Variants in VEPH1 observed in about 807,000 individuals in gnomAD.
VEPH1 encodes the protein ventricular zone expressed PH domain containing 1.
Under a neutral mutation model 85.2 loss-of-function variants are expected in VEPH1, and 80 were observed. That is an observed-to-expected ratio of 0.94 (90% CI 0.78 to 1.13). VEPH1 has a LOEUF of 1.13. Ranked by LOEUF, VEPH1 falls within the 50% of genes most tolerant of loss-of-function variation. VEPH1 has a pLI of 0.00. For synonymous variants in VEPH1, 297 were observed against 348.0 expected, an observed-to-expected ratio of 0.85 and a Z score of 1.63; for missense variants, 955 against 980.5, an observed-to-expected ratio of 0.97 and a Z score of 0.35.
chr3:157,495,209 T>C lies in VEPH1; in HGVS notation c.138+3A>G, dbSNP rs781502127. ...GATGTAGTCTATAAACCAGTTTACT[T>C]ACTGAAGATGAGCTAATTATCTTAA... On this transcript the variant is annotated splice_donor_region_variant and intron_variant, in intron 2 of 13. Coordinates refer to ENST00000362010, the MANE Select transcript of VEPH1 (RefSeq NM_001167912.2). 3 of 1,613,588 alleles carry C rather than the reference T, an allele frequency of 1.9e-6. No homozygotes were observed. In the African/African-American group the frequency reaches 4.0e-5, roughly 22 times the overall value.
intron 4 of VEPH1, chr3:157,442,555 G>C (rs377051880): frequency 6.2e-7 from 1 of 1,614,090 alleles, no homozygotes; most frequent in African/African-American, 1.3e-5. Flanking sequence ...CTGTATCTCA[G>C]CTACCAATCC....
chr3:157,473,067 CT>C (rs200991031), intron 2 of VEPH1, among the ~76,000 whole-genome samples: 194 of 82,660 alleles, frequency 2.3e-3, no homozygotes, highest in East Asian at 8.6e-3. Context: ...TTAAATGAAC[CT>C]TTTTTTTTTT....
chr3:157,497,979 C>T (rs1739805740), intron 1 of VEPH1, among the ~76,000 whole-genome samples: 1 of 152,158 alleles, frequency 6.6e-6, no homozygotes, highest in African/African-American at 2.4e-5. Flanking sequence ...AAAACACCTT[C>T]TACAATATGG....
At chr3:157,406,270 T>G (rs1731132623) in intron 6 of VEPH1, among the ~76,000 whole-genome samples, 1 of 152,144 alleles carries the variant, frequency 6.6e-6, no homozygotes, top group Non-Finnish European at 1.5e-5. Context: ...AATTGTGCTT[T>G]TAAGTCACAG....
At chr3:157,323,821 T>C (rs1372070176) in intron 9 of VEPH1, among the ~76,000 whole-genome samples, 1 of 152,186 alleles carries the variant, frequency 6.6e-6, no homozygotes, top group Non-Finnish European at 1.5e-5. Context: ...AATTTTGTAT[T>C]GTTATGTGAA....
chr3:157,272,986 G>A (rs562317913), intron 12 of VEPH1, among the ~76,000 whole-genome samples: 82 of 152,168 alleles, frequency 5.4e-4, no homozygotes, highest in Non-Finnish European at 1.0e-3. Context: ...AGACATGGTG[G>A]TGATTCCCTT....
At chr3:157,304,023 T>TATATATATATATATATATATA (rs1553761055) in intron 11 of VEPH1, among the ~76,000 whole-genome samples, 6 of 89,118 alleles carry the variant, frequency 6.7e-5, no homozygotes, top group Admixed American at 1.3e-4. Flanking sequence ...CTTATATTTT[T>TATATATATATATATATATATA]TATATATATA....
At chr3:157,323,475 T>C (rs1721571793) in intron 9 of VEPH1, among the ~76,000 whole-genome samples, 1 of 152,202 alleles carries the variant, frequency 6.6e-6, no homozygotes, top group Non-Finnish European at 1.5e-5. Context: ...ACTTGCCTAG[T>C]GTTTACTAAG....
At chr3:157,413,598 G>A in intron 6 of VEPH1, 1 of 985,274 alleles carries the variant, frequency 1.0e-6, no homozygotes, top group African/African-American at 1.7e-5. Context: ...AGCAATAAAA[G>A]ACTCACTTCC....
chr3:157,455,102 A>C (rs1261309826), intron 4 of VEPH1, among the ~76,000 whole-genome samples: 1 of 152,192 alleles, frequency 6.6e-6, no homozygotes, highest in African/African-American at 2.4e-5. Flanking sequence ...CTTTGGGTAT[A>C]TATACCCAGC....
intron 7 of VEPH1, among the ~76,000 whole-genome samples, chr3:157,370,691 C>A (rs1484565147): frequency 2.0e-5 from 3 of 152,138 alleles, no homozygotes; most frequent in Non-Finnish European, 4.4e-5. Flanking sequence ...TGGGCAGGTA[C>A]CTAGTTATGT....
intron 1 of VEPH1, among the ~76,000 whole-genome samples, chr3:157,496,378 T>A (rs1361362407): frequency 6.6e-6 from 1 of 152,218 alleles, no homozygotes; most frequent in Admixed American, 6.5e-5. Flanking sequence ...GAGACCTTAG[T>A]AATCATTTAA....
At chr3:157,479,958 G>A (rs1000154626) in intron 2 of VEPH1, among the ~76,000 whole-genome samples, 1 of 152,096 alleles carries the variant, frequency 6.6e-6, no homozygotes, top group African/African-American at 2.4e-5. Context: ...CCTACAGTGA[G>A]TTACAAATTC....
chr3:157,372,541 C>A (rs1727624401), intron 7 of VEPH1, among the ~76,000 whole-genome samples: 1 of 152,204 alleles, frequency 6.6e-6, no homozygotes, highest in African/African-American at 2.4e-5. Flanking sequence ...ACCATGGCCA[C>A]ACTGGTGTGT....
chr3:157,265,784 A>C, intron 12 of VEPH1, 122 bp from the exon 13 acceptor site: 1 of 1,017,968 alleles, frequency 9.8e-7, no homozygotes, highest in Non-Finnish European at 1.4e-6. Context: ...GTAGGCTAAT[A>C]AATGATGAAT....
At chr3:157,477,942 T>C (rs1425315069) in intron 2 of VEPH1, among the ~76,000 whole-genome samples, 1 of 152,158 alleles carries the variant, frequency 6.6e-6, no homozygotes, top group African/African-American at 2.4e-5. Flanking sequence ...AGAGAAGCTG[T>C]TTCCATATAG....
chr3:157,456,195 CT>C (rs1735365939), intron 4 of VEPH1, among the ~76,000 whole-genome samples: 1 of 151,944 alleles, frequency 6.6e-6, no homozygotes, highest in Admixed American at 6.6e-5. Flanking sequence ...TTTTCATGTC[CT>C]TTGCCCACTT....
intron 9 of VEPH1, 133 bp from the exon 10 acceptor site, chr3:157,317,334 A>T: frequency 8.8e-6 from 6 of 684,656 alleles, no homozygotes; most frequent in Non-Finnish European, 1.3e-5. Flanking sequence ...ACTACAAACA[A>T]CTATATATTT....
intron 3 of VEPH1, among the ~76,000 whole-genome samples, chr3:157,469,686 G>A (rs1736734437): frequency 6.6e-6 from 1 of 152,204 alleles, no homozygotes; most frequent in African/African-American, 2.4e-5. Flanking sequence ...ATTTGTCATA[G>A]ACAATGTCAT....
Sources: allele counts gnomAD v4.1 joint callset (sites outside exome capture counted in the v4.1 genomes callset), GRCh38; gene constraint gnomAD v4.1.1; transcripts MANE v1.5; gene names NCBI Gene and HGNC (gene_info 2026-07-23, HGNC 2026-07-21).